The following SEC63 variants were observed in gnomAD, a reference collection of about 807,000 sequenced individuals.
SEC63 encodes the protein SEC63 protein translocation regulator, also known as translocation protein SEC63 homolog.
Under a neutral mutation model 116.2 loss-of-function variants are expected in SEC63, and 56 were observed. That is an observed-to-expected ratio of 0.48 (90% CI 0.39 to 0.60). The LOEUF (loss-of-function observed/expected upper bound fraction) is 0.60. Ranked by LOEUF, SEC63 falls within the 20% of genes least tolerant of loss-of-function variation. The pLI is 0.00. For synonymous variants in SEC63, 273 were observed against 294.6 expected, an observed-to-expected ratio of 0.93 and a Z score of 0.75; for missense variants, 668 against 900.0, an observed-to-expected ratio of 0.74 and a Z score of 3.30.
rs1013577881 is a variant in SEC63, at chr6:107,870,144, T to C, written c.*1560A>G. 1 of 152,500 alleles carries C rather than the reference T, an allele frequency of 6.6e-6. No homozygotes were observed. The highest frequency in any genetic ancestry group is 1.5e-5 in the Non-Finnish European group (1 of 68,014). The allele number at this position is 152,500 out of a possible 1,614,324, so 9.4% of individuals were successfully genotyped here. A position where few individuals can be genotyped will look rare whatever the true frequency, so the allele number is the denominator to read the frequency against. ...GATTTGAAAATTAAACCCACCCTCC[T>C]ACTTGTACAATGAAGTAAATGAAAA... On this transcript the variant is annotated 3_prime_UTR_variant, in exon 21 of 21. Coordinates refer to ENST00000369002, the MANE Select transcript of SEC63 (RefSeq NM_007214.5).
chr6:107,910,525 T>TA (rs1489748385), intron 7 of SEC63, among the ~76,000 whole-genome samples: 2 of 144,908 alleles, frequency 1.4e-5, no homozygotes, highest in African/African-American at 2.4e-5. Flanking sequence ...TATATATACA[T>TA]ATATGCATGT....
intron 14 of SEC63, among the ~76,000 whole-genome samples, 189 bp from the exon 15 acceptor site, chr6:107,894,086 T>C (rs564454820): frequency 2.0e-5 from 3 of 152,362 alleles, no homozygotes; most frequent in Admixed American, 2.0e-4. Context: ...TTCTAAAGTA[T>C]CTCACATCTG....
intron 16 of SEC63, among the ~76,000 whole-genome samples, chr6:107,890,559 C>T (rs1316737823): frequency 1.3e-5 from 2 of 152,140 alleles, no homozygotes; most frequent in African/African-American, 4.8e-5. Flanking sequence ...GGGCATTTAG[C>T]CCATTTACAT....
intron 4 of SEC63, among the ~76,000 whole-genome samples, chr6:107,918,933 CAG>C (rs1186412936): frequency 2.1e-5 from 2 of 96,498 alleles, no homozygotes; most frequent in African/African-American, 4.0e-5. Context: ...TTTTTTGAGA[CAG>C]AGTCTCACTC....
At chr6:107,949,084 C>T (rs1227194968) in intron 1 of SEC63, among the ~76,000 whole-genome samples, 1 of 152,202 alleles carries the variant, frequency 6.6e-6, no homozygotes, top group African/African-American at 2.4e-5. Flanking sequence ...AGGGAAGTTT[C>T]CCTTGGCCCC....
rs763743900 is a variant in SEC63 at position 107,957,932 on chromosome 6, G to A, written c.78C>T (p.Ile26=). Residue 26 remains isoleucine (I), a synonymous_variant, in exon 1 of 21, where the codon ATC becomes ATT. Transcript: ENST00000369002. ...AGAGGTAGTATGTCGCCGGGATCAC[G>A]ATGAGCCCCACGAAGGAGGTGAGGA... ...FYFLTSFVGL[I]VIPATYYLWP... is the part of the protein sequence containing the mutation. 4 of 1,613,360 alleles carry A rather than the reference G, an allele frequency of 2.5e-6. No individual in the cohort carries two copies. The South Asian group carries it at 3.3e-5, about 13-fold the overall frequency.
chr6:107,913,957 G>A (rs1392929442), intron 4 of SEC63, among the ~76,000 whole-genome samples: 1 of 152,072 alleles, frequency 6.6e-6, no homozygotes. Flanking sequence ...CATTGCTGTG[G>A]GTAAGGTAAT....
At chr6:107,942,526 A>T (rs1176506623) in intron 1 of SEC63, among the ~76,000 whole-genome samples, 4 of 151,584 alleles carry the variant, frequency 2.6e-5, no homozygotes, top group African/African-American at 9.8e-5. Flanking sequence ...GAGGATATAG[A>T]AAAAAAACAA....
chr6:107,922,769 A>G (rs1346418859), intron 3 of SEC63, among the ~76,000 whole-genome samples: 2 of 152,114 alleles, frequency 1.3e-5, no homozygotes, highest in Non-Finnish European at 2.9e-5. Flanking sequence ...AAAAAATCAC[A>G]TGATATGTAA....
chr6:107,900,362 C>T (rs1786971809), intron 13 of SEC63, among the ~76,000 whole-genome samples: 1 of 152,058 alleles, frequency 6.6e-6, no homozygotes, highest in African/African-American at 2.4e-5. Flanking sequence ...AAGACACAAA[C>T]CAGGCACGGT....
At chr6:107,916,013 T>C (rs1393126833) in intron 4 of SEC63, among the ~76,000 whole-genome samples, 2 of 152,278 alleles carry the variant, frequency 1.3e-5, no homozygotes, top group African/African-American at 4.8e-5. Flanking sequence ...TATATTATTC[T>C]TGTGCATTTT....
At chr6:107,875,282 A>G (rs1583719619) in intron 19 of SEC63, among the ~76,000 whole-genome samples, 2 of 152,354 alleles carry the variant, frequency 1.3e-5, no homozygotes, top group South Asian at 4.1e-4. Flanking sequence ...TTGTACATAC[A>G]TATACAGTGA....
chr6:107,889,737 T>A (rs1431228183), intron 16 of SEC63, among the ~76,000 whole-genome samples: 1 of 152,216 alleles, frequency 6.6e-6, no homozygotes, highest in East Asian at 1.9e-4. Context: ...AATTTCCCTC[T>A]ACACACTGCT....
chr6:107,927,863 TAC>T (rs894582169), intron 2 of SEC63, among the ~76,000 whole-genome samples: 1 of 152,220 alleles, frequency 6.6e-6, no homozygotes, highest in African/African-American at 2.4e-5. Flanking sequence ...CCTAATATAA[TAC>T]ACACTGTGGA....
intron 1 of SEC63, among the ~76,000 whole-genome samples, chr6:107,934,465 G>A (rs1770140019): frequency 1.4e-5 from 2 of 140,188 alleles, no homozygotes; most frequent in Non-Finnish European, 3.1e-5. Context: ...GGGAGGTGAG[G>A]AGCGTCTCTG....
rs1491588266 is a variant in SEC63, at chr6:107,876,671, A to AAAC, written c.1936-10_1936-9insGTT. ...CACCATTCTTGTTTTTCCTGGAAAC[A>AAAC]AAAAAAAAAAAAAAAAAAGAAGAGG... On this transcript the variant is annotated splice_polypyrimidine_tract_variant and intron_variant, in intron 18 of 20. Coordinates refer to ENST00000369002, the MANE Select transcript of SEC63 (RefSeq NM_007214.5). The AAAC allele has an allele frequency of 8.2e-6, 6 of 730,934 alleles. No homozygotes were observed. Among genetic ancestry groups the AAAC allele is most frequent in the Non-Finnish European group, 1.1e-5 (6 of 555,334 alleles). The allele number at this position is 730,934 out of a possible 1,614,324, so 45.3% of individuals were successfully genotyped here.
intron 4 of SEC63, among the ~76,000 whole-genome samples, chr6:107,915,971 T>A (rs1025422888): frequency 6.6e-6 from 1 of 152,244 alleles, no homozygotes; most frequent in African/African-American, 2.4e-5. Flanking sequence ...TTCTACAGTT[T>A]AACCACATAA....
chr6:107,897,564 G>T, intron 14 of SEC63, 85 bp downstream of exon 14: 1 of 981,736 alleles, frequency 1.0e-6, no homozygotes, highest in Non-Finnish European at 1.6e-6. Flanking sequence ...TATTACAACA[G>T]TTTTGACTTT....
At chr6:107,912,631 G>T in intron 6 of SEC63, 85 bp downstream of exon 6, 1 of 793,438 alleles carries the variant, frequency 1.3e-6, no homozygotes, top group Non-Finnish European at 2.2e-6. Context: ...CTTTGTAATA[G>T]TTCTTCTTGT....
Sources: allele counts gnomAD v4.1 joint callset (sites outside exome capture counted in the v4.1 genomes callset), GRCh38; gene constraint gnomAD v4.1.1; transcripts MANE v1.5; gene names NCBI Gene and HGNC (gene_info 2026-07-23, HGNC 2026-07-21).